AHCTF1: variants seen among roughly 807,000 people sequenced by gnomAD.
AHCTF1 encodes the protein protein ELYS.
In AHCTF1, 24 loss-of-function variants were observed where a neutral mutation model predicts 248.4. That is an observed-to-expected ratio of 0.10 (90% CI 0.07 to 0.14). The LOEUF is 0.14. Ranked by LOEUF, AHCTF1 falls within the 10% of genes least tolerant of loss-of-function variation. The pLI, the probability that AHCTF1 is intolerant of heterozygous loss-of-function variation, is 1.00. For synonymous variants in AHCTF1, 786 were observed against 929.8 expected (o/e 0.85, Z 2.81); for missense variants, 2,206 against 2,636.2 (o/e 0.84, Z 3.57).
At chr1:246,894,537 G>C in intron 14 of AHCTF1, 122 bp downstream of exon 14, 2 of 808,856 alleles carry the variant, frequency 2.5e-6, no homozygotes, top group Non-Finnish European at 3.9e-6. Context: ...GCAAGACTCA[G>C]TCTCAAAAAA....
chr1:246,870,271 C>G, intron 24 of AHCTF1, among the ~76,000 whole-genome samples: 1 of 152,056 alleles, frequency 6.6e-6, no homozygotes, highest in Non-Finnish European at 1.5e-5. Context: ...TAGTGAGGCC[C>G]TCTCTACAAA....
At position 246,840,942 on chromosome 1, in the gene AHCTF1, G is replaced by C; in HGVS notation, c.6665C>G (p.Ser2222Cys). The C allele has an allele frequency of 6.2e-7, 1 of 1,611,814 alleles. No homozygotes were observed. Among genetic ancestry groups the C allele is most frequent in the Non-Finnish European group, 8.5e-7 (1 of 1,179,230 alleles). ...SPPPIEIRLI[S>C]PLASPADGVK... is the part of the protein sequence containing the mutation. ...TCCGTCAGCTGGGCTAGCCAAGGGG[G>C]AAATCAGCCGAATTTCTATGGGAGG... Residue 2222 changes from serine to cysteine, a missense_variant, in exon 36 of 36, where the codon TCC becomes TGC. Around this residue, in one of 6 missense-constraint regions of AHCTF1, gnomAD observed 469 missense variants for 470.0 expected, o/e 1.00. Coordinates refer to ENST00000648844, the MANE Select transcript of AHCTF1 (RefSeq NM_001323342.2).
At chr1:246,910,736 G>C (rs560090179) in intron 4 of AHCTF1, among the ~76,000 whole-genome samples, 24 of 151,800 alleles carry the variant, frequency 1.6e-4, no homozygotes, top group African/African-American at 5.6e-4. Context: ...TCCTAGAACA[G>C]GGCCCCCACC....
chr1:246,867,837 A>AAGTGCAT, intron 24 of AHCTF1, 26 bp from the exon 25 acceptor site: 3 of 1,581,628 alleles, frequency 1.9e-6, no homozygotes, highest in Non-Finnish European at 2.6e-6. Context: ...CGCTGGAATT[A>AAGTGCAT]AGTGCATCTC....
chr1:246,869,115 T>C lies in AHCTF1; in HGVS notation c.3089-1304A>G, dbSNP rs1037686498. Among the ~76,000 whole-genome samples, 7 of 151,800 alleles carry C rather than the reference T, an allele frequency of 4.6e-5. No individual in the cohort carries two copies. The South Asian group carries it at 6.2e-4, about 14-fold the overall frequency. The stretch of plus-strand genomic sequence containing the variant: ...CGCCTTGGCCTCCCAAAGTGCTGGA[T>C]TACAGGCGTGAGCCACCACGCCCGG... On this transcript the variant is annotated intron_variant, in intron 24 of 35. Transcript: ENST00000648844.
At chr1:246,860,167 G>A (rs954586975) in intron 29 of AHCTF1, among the ~76,000 whole-genome samples, 2 of 118,298 alleles carry the variant, frequency 1.7e-5, no homozygotes, top group Non-Finnish European at 3.4e-5. Context: ...GGCTGAGGCA[G>A]AAGAACTGCT....
chr1:246,926,980 C>G (rs1475007403), intron 1 of AHCTF1, among the ~76,000 whole-genome samples: 3 of 152,024 alleles, frequency 2.0e-5, no homozygotes, highest in Non-Finnish European at 1.5e-5. Flanking sequence ...CGAGACCATC[C>G]TGGCTAACAA....
At chr1:246,914,621 G>A (rs1666019775) in intron 3 of AHCTF1, among the ~76,000 whole-genome samples, 1 of 152,196 alleles carries the variant, frequency 6.6e-6, no homozygotes, top group Non-Finnish European at 1.5e-5. Context: ...ACTATATGAA[G>A]TGATTAATAC....
At chr1:246,857,937 G>A in intron 29 of AHCTF1, 123 bp from the exon 30 acceptor site, 1 of 798,822 alleles carries the variant, frequency 1.3e-6, no homozygotes, top group Non-Finnish European at 1.9e-6. Flanking sequence ...GTTTGCTGCT[G>A]TGTTATCAGA....
intron 31 of AHCTF1, among the ~76,000 whole-genome samples, chr1:246,854,298 C>CA (rs56086758): frequency 0.45 from 50,890 of 113,304 alleles, 11,278 homozygotes; most frequent in African/African-American, 0.65. Context: ...GACTCTGTTT[C>CA]AAAAAAAAAA....
At chr1:246,874,899 CAG>C (rs965156513) in intron 24 of AHCTF1, among the ~76,000 whole-genome samples, 4 of 152,162 alleles carry the variant, frequency 2.6e-5, no homozygotes, top group African/African-American at 9.7e-5. Context: ...TGTAAACAGA[CAG>C]AGTCTCCCAG....
intron 3 of AHCTF1, among the ~76,000 whole-genome samples, chr1:246,915,734 T>C (rs1010337741): frequency 3.9e-5 from 6 of 152,296 alleles, no homozygotes; most frequent in Admixed American, 3.9e-4. Context: ...CCAAGACTAT[T>C]GTCGCAAATT....
chr1:246,877,230 G>A lies in AHCTF1; in HGVS notation c.2733C>T (p.His911=), dbSNP rs1211647201. 3 of 1,613,240 alleles carry A rather than the reference G, an allele frequency of 1.9e-6. No homozygotes were observed. The highest frequency in any genetic ancestry group is 2.5e-6 in the Non-Finnish European group (3 of 1,179,750). The part of the protein sequence containing the change: ...NRLNIEELLK[H]MYEVCQEMGL... ...CCATTTCCTGACAGACTTCATACATGTGCTTCAGTAACTCCTCTATATTCA... is the reference window on the plus strand; with the variant it reads ...CCATTTCCTGACAGACTTCATACATATGCTTCAGTAACTCCTCTATATTCA... Residue 911 remains histidine (H), a synonymous_variant, in exon 22 of 36, where the codon CAC becomes CAT. Transcript: ENST00000648844.
chr1:246,892,233 T>C (rs145616761), intron 14 of AHCTF1, among the ~76,000 whole-genome samples: 1 of 151,818 alleles, frequency 6.6e-6, no homozygotes, highest in East Asian at 1.9e-4. Flanking sequence ...ATTTAATGTG[T>C]CACTGGTCTA....
rs555591245 is a variant in AHCTF1 at position 246,899,523 on chromosome 1, G to A, written c.1433-11C>T. 6 of 1,600,876 alleles carry A rather than the reference G, an allele frequency of 3.7e-6. No individual in the cohort carries two copies. The African/African-American group carries it at 6.7e-5, about 18-fold the overall frequency. On this transcript the variant is annotated splice_polypyrimidine_tract_variant and intron_variant, in intron 10 of 35. Coordinates refer to ENST00000648844, the MANE Select transcript of AHCTF1 (RefSeq NM_001323342.2). ...ACAAACAAGTGGCATCTAAAAAAAA[G>A]ATTTAAAAAATAATCCACTTACATA...
chr1:246,888,370 G>C (rs769743319), intron 18 of AHCTF1, 24 bp downstream of exon 18: 1 of 1,612,822 alleles, frequency 6.2e-7, no homozygotes, highest in East Asian at 2.2e-5. Context: ...GACTCTAAAT[G>C]ATAGCACATT....
intron 32 of AHCTF1, 39 bp downstream of exon 32, chr1:246,853,052 G>C: frequency 6.6e-7 from 1 of 1,507,510 alleles, no homozygotes; most frequent in African/African-American, 1.4e-5. Flanking sequence ...AACCAAAACT[G>C]AAAGACTGAT....
rs1218505447 is a variant in AHCTF1, at chr1:246,867,689, G to T, written c.3211C>A (p.Pro1071Thr). 1 of 1,612,190 alleles carries T rather than the reference G, an allele frequency of 6.2e-7. No homozygotes were observed. The highest frequency in any genetic ancestry group is 8.5e-7 in the Non-Finnish European group (1 of 1,179,810). ...TTGAAAGGTGTGGTGCTATTTATAG[G>T]TTCTTTGCTTGCCCAAACTTCTCCA... ...KIGEVWASKE[P>T]INSTTPFNSS... The change falls in exon 25 of 36, where the codon CCT becomes ACT. Residue 1071 changes from proline to threonine, a missense_variant. Physicochemically the swap from Pro to Thr is conservative, Grantham distance 38. Transcript: ENST00000648844.
chr1:246,905,422 G>A (rs980209086), intron 6 of AHCTF1, 119 bp downstream of exon 6: 21 of 699,350 alleles, frequency 3.0e-5, no homozygotes, highest in Middle Eastern at 4.3e-4. Flanking sequence ...GCATGAATCC[G>A]GGAGGCGGAG....
Sources: allele counts gnomAD v4.1 joint callset (sites outside exome capture counted in the v4.1 genomes callset), GRCh38; gene constraint gnomAD v4.1.1; regional missense constraint gnomAD v4.1.1; transcripts MANE v1.5; gene names NCBI Gene and HGNC (gene_info 2026-07-23, HGNC 2026-07-21).